The following SPAST variants were observed in gnomAD, a reference collection of about 807,000 sequenced individuals.
The protein encoded by SPAST is spastic paraplegia 4 (autosomal dominant; spastin).
Under a neutral mutation model 76.6 loss-of-function variants are expected in SPAST, and 30 were observed. That is an observed-to-expected ratio of 0.39 (90% confidence interval 0.29 to 0.53). SPAST has a LOEUF of 0.53. SPAST is among the 20% of genes least tolerant of loss of function. SPAST has a pLI of 0.68. For missense variants in SPAST, 717 were observed against 770.5 expected (o/e 0.93, Z 0.82); for synonymous variants, 305 against 281.0 (o/e 1.09, Z -0.86).
chr2:32,156,994 G>C lies in SPAST; in HGVS notation c.*2498G>C, dbSNP rs2148771492. 6.6e-6 allele frequency: 1 copy of C among 152,436 alleles called. No individual in the cohort carries two copies. Among genetic ancestry groups the C allele is most frequent in the Non-Finnish European group, 1.5e-5 (1 of 68,028 alleles). The allele number at this position is 152,436 out of a possible 1,614,324, so 9.4% of individuals were successfully genotyped here. ...TTGATAGAAGGGCCATGAAAATAGA[G>C]TAATGATATAGTAGGAGATAAGGGA... On this transcript the variant is annotated 3_prime_UTR_variant, in exon 17 of 17. Coordinates refer to ENST00000315285, the MANE Select transcript of SPAST (RefSeq NM_014946.4).
chr2:32,118,126 C>T (rs1383197457), intron 7 of SPAST, among the ~76,000 whole-genome samples: 3 of 152,158 alleles, frequency 2.0e-5, no homozygotes, highest in African/African-American at 4.8e-5. Context: ...TAAAATCTTA[C>T]GGACCTACCT....
chr2:32,086,765 AAAG>A (rs768788863), intron 1 of SPAST, among the ~76,000 whole-genome samples: 2 of 152,182 alleles, frequency 1.3e-5, no homozygotes, highest in Admixed American at 6.5e-5. Flanking sequence ...CTCAAAAAAA[AAAG>A]AAAAAAAGTC....
At chr2:32,131,280 CA>C (rs942000482) in intron 9 of SPAST, among the ~76,000 whole-genome samples, 11 of 152,164 alleles carry the variant, frequency 7.2e-5, no homozygotes, top group African/African-American at 2.4e-4. Context: ...CCTGACCCTC[CA>C]AACTATTCCC....
chr2:32,152,386 G>A (rs1055468399), intron 16 of SPAST, among the ~76,000 whole-genome samples: 2 of 151,984 alleles, frequency 1.3e-5, no homozygotes, highest in African/African-American at 4.8e-5. Flanking sequence ...TGGATAACAT[G>A]GTGAAATCCT....
chr2:32,114,666 C>A lies in SPAST; in HGVS notation c.711C>A (p.Asp237Glu). 6.2e-7 allele frequency: 1 copy of A among 1,614,060 alleles called. No individual in the cohort carries two copies. The highest frequency in any genetic ancestry group is 8.5e-7 in the Non-Finnish European group (1 of 1,179,976). Residue 237 changes from aspartate (D) to glutamate (E), a missense_variant, in exon 5 of 17, where the codon GAC (aspartate) becomes GAA (glutamate). Transcript: ENST00000315285. ...SESGAVPKRK[D>E]PLTHTSNSLP... ...GTGGAGCTGTTCCAAAAAGAAAAGA[C>A]CCCTTAACACACACTAGTAATTCAC...
rs1350694679 is a variant in SPAST at position 32,089,522 on chromosome 2, G to T, written c.503G>T (p.Gly168Val). 1.3e-6 allele frequency: 2 copies of T among 1,559,002 alleles called. No individual in the cohort carries two copies. Among genetic ancestry groups the T allele is most frequent in the South Asian group, 2.2e-5 (2 of 89,800 alleles). ...KGIAVIVTGQ[G>V]EQCERARRLQ... ...ATTTTAATTAATTTTTTTCTTTCAG[G>T]TGAACAGTGTGAAAGAGCTAGACGC... Residue 168 changes from glycine (G) to valine (V), a missense_variant and splice_region_variant, in exon 3 of 17, where the codon GGT becomes GTT. Physicochemically the swap from Gly to Val is moderately radical, Grantham distance 109. Coordinates refer to ENST00000315285, the MANE Select transcript of SPAST (RefSeq NM_014946.4).
intron 3 of SPAST, among the ~76,000 whole-genome samples, chr2:32,094,893 C>T (rs1015048813): frequency 2.6e-5 from 4 of 152,172 alleles, no homozygotes; most frequent in African/African-American, 4.8e-5. Flanking sequence ...CACTTGAACC[C>T]GGGAGGCGGA....
At chr2:32,151,661 C>G (rs1007089530) in intron 16 of SPAST, among the ~76,000 whole-genome samples, 11 of 152,122 alleles carry the variant, frequency 7.2e-5, no homozygotes, top group African/African-American at 2.4e-4. Flanking sequence ...TGTAATCCTA[C>G]CACTTTGGGA....
At chr2:32,105,582 C>G (rs1308380693) in intron 4 of SPAST, among the ~76,000 whole-genome samples, 2 of 152,164 alleles carry the variant, frequency 1.3e-5, no homozygotes, top group Non-Finnish European at 2.9e-5. Flanking sequence ...TTCTCCCCAT[C>G]TTTGTGGCTT....
At chr2:32,115,932 T>A in intron 6 of SPAST, 97 bp downstream of exon 6, 2 of 1,064,506 alleles carry the variant, frequency 1.9e-6, no homozygotes, top group Non-Finnish European at 2.8e-6. Flanking sequence ...AAATACCTTG[T>A]CTGGTTTACA....
chr2:32,129,305 T>A (rs1679295271), intron 9 of SPAST: 1 of 151,938 alleles, frequency 6.6e-6, no homozygotes, highest in Non-Finnish European at 1.5e-5. Context: ...GCCAGGCTAC[T>A]TTCAAATTCC....
chr2:32,095,866 G>A (rs1252326196), intron 3 of SPAST, among the ~76,000 whole-genome samples: 1 of 152,210 alleles, frequency 6.6e-6, no homozygotes, highest in African/African-American at 2.4e-5. Context: ...ATGAAGTTGG[G>A]ATTGCCGAGG....
At chr2:32,083,465 C>A (rs1677318967) in intron 1 of SPAST, among the ~76,000 whole-genome samples, 1 of 151,456 alleles carries the variant, frequency 6.6e-6, no homozygotes, top group African/African-American at 2.4e-5. Context: ...GTCCATTACC[C>A]TTTGTCTCGT....
chr2:32,102,911 G>A (rs1678181094), intron 4 of SPAST, among the ~76,000 whole-genome samples: 1 of 152,124 alleles, frequency 6.6e-6, no homozygotes, highest in Non-Finnish European at 1.5e-5. Context: ...TGTTCATCAG[G>A]GATATTGGTC....
At chr2:32,151,771 G>C (rs949825329) in intron 16 of SPAST, among the ~76,000 whole-genome samples, 1 of 152,058 alleles carries the variant, frequency 6.6e-6, no homozygotes, top group Non-Finnish European at 1.5e-5. Flanking sequence ...TTAGCCGGGC[G>C]TGGTGGCACA....
At chr2:32,083,976 G>A (rs1174285528) in intron 1 of SPAST, among the ~76,000 whole-genome samples, 12 of 148,894 alleles carry the variant, frequency 8.1e-5, no homozygotes, top group Non-Finnish European at 1.6e-4. Context: ...GTGGAGTTTC[G>A]CCATGTTGTC....
At position 32,063,763 on chromosome 2, in the gene SPAST, C is replaced by T. The variant is rs1185321829; in HGVS notation, c.-69C>T. 2.6e-6 allele frequency: 4 copies of T among 1,523,432 alleles called. No homozygotes were observed. Among genetic ancestry groups the T allele is most frequent in the African/African-American group, 1.4e-5 (1 of 72,532 alleles). The allele number at this position is 1,523,432 out of a possible 1,614,324, so 94.4% of individuals were successfully genotyped here. ...GTGGCCCCCGCCGTAGCAGTGGCTG[C>T]CGCCGTCGCTTGGTTCCCGTCGGTC... On this transcript the variant is annotated 5_prime_UTR_variant, in exon 1 of 17. Transcript: ENST00000315285.
chr2:32,095,501 T>C (rs2148714967), intron 3 of SPAST, among the ~76,000 whole-genome samples: 1 of 151,064 alleles, frequency 6.6e-6, no homozygotes, highest in East Asian at 1.9e-4. Context: ...GGAGGTTGAG[T>C]CGGGGGTATT....
At chr2:32,126,747 A>G in intron 7 of SPAST, 2 of 529,602 alleles carry the variant, frequency 3.8e-6, no homozygotes, top group Admixed American at 3.2e-5. Context: ...TTTGCCCCCT[A>G]AAGTCTGGGA....
Sources: allele counts gnomAD v4.1 joint callset (sites outside exome capture counted in the v4.1 genomes callset), GRCh38; gene constraint gnomAD v4.1.1; transcripts MANE v1.5; gene names NCBI Gene and HGNC (gene_info 2026-07-23, HGNC 2026-07-21).